SPRY3: variants seen among roughly 807,000 people sequenced by gnomAD.
The protein encoded by SPRY3 is sprouty RTK signaling antagonist 3.
Under a neutral mutation model 20.2 loss-of-function variants are expected in SPRY3, and 15 were observed. That is an observed-to-expected ratio of 0.74 (90% CI 0.50 to 1.14). The LOEUF (loss-of-function observed/expected upper bound fraction) is 1.14. Among genes scored for constraint, SPRY3 ranks in the 50% most tolerant of loss-of-function variants. SPRY3 has a pLI of 0.00. For synonymous variants in SPRY3, 143 were observed against 136.5 expected (o/e 1.05, Z -0.33); for missense variants, 364 against 363.9 (o/e 1.00, Z 0.00).
chrX:155,727,313 G>A (rs1032949165), intron 2 of SPRY3, among the ~76,000 whole-genome samples: 1 of 152,038 alleles, frequency 6.6e-6, no homozygotes, highest in East Asian at 1.9e-4. Context: ...GTATCTTTGT[G>A]GTGTTCTCTG....
chrX:155,693,894 G>A (rs371956978), intron 2 of SPRY3, among the ~76,000 whole-genome samples: 5 of 99,657 alleles, frequency 5.0e-5, no homozygotes, highest in African/African-American at 7.3e-5. Context: ...CCTCCAACTC[G>A]TGGGCTCAAG....
At chrX:155,719,410 G>A (rs1358531941) in intron 2 of SPRY3, among the ~76,000 whole-genome samples, 1 of 152,098 alleles carries the variant, frequency 6.6e-6, no homozygotes, top group Non-Finnish European at 1.5e-5. Flanking sequence ...GCAACCTCTA[G>A]GCGAGTCCTA....
At chrX:155,625,445 CT>C (rs1367602681) in intron 1 of SPRY3, among the ~76,000 whole-genome samples, 1 of 111,495 alleles carries the variant, frequency 9.0e-6, no homozygotes, top group Admixed American at 9.5e-5. Flanking sequence ...CAATTTTCCC[CT>C]GATATCAAAT....
At chrX:155,637,990 T>C (rs1259154517) in intron 1 of SPRY3, among the ~76,000 whole-genome samples, 1 of 107,763 alleles carries the variant, frequency 9.3e-6, no homozygotes, top group East Asian at 2.9e-4. Flanking sequence ...TTTTTTTTTT[T>C]TAATTTAGCC....
chrX:155,671,872 A>C (rs896135484), intron 2 of SPRY3, among the ~76,000 whole-genome samples: 3 of 111,481 alleles, frequency 2.7e-5, no homozygotes, highest in Non-Finnish European at 3.8e-5. Flanking sequence ...TATGGCTAGC[A>C]AGTTTTCCCA....
At chrX:155,716,760 G>A in intron 2 of SPRY3, among the ~76,000 whole-genome samples, 1 of 151,424 alleles carries the variant, frequency 6.6e-6, no homozygotes, top group Non-Finnish European at 1.5e-5. Flanking sequence ...ACAGCTCAGT[G>A]GTCAGCAAAT....
At chrX:155,717,505 G>T (rs2091031073) in intron 2 of SPRY3, among the ~76,000 whole-genome samples, 1 of 152,022 alleles carries the variant, frequency 6.6e-6, no homozygotes, top group African/African-American at 2.4e-5. Flanking sequence ...TGTCATCTAG[G>T]TTTTAAGCCC....
exon 4 of SPRY3, chrX:155,774,111 C>A: frequency 2.5e-6 from 4 of 1,613,992 alleles, no homozygotes; most frequent in Non-Finnish European, 3.4e-6. Context: ...AGCATCTGAG[C>A]CAATCTAGCA....
rs2091132172 is a variant in SPRY3 at position 155,731,530 on chromosome X, C to T, written c.-281-36432C>T. Among the ~76,000 whole-genome samples the T allele has an allele frequency of 2.0e-5, 3 of 152,000 alleles. No individual in the cohort carries two copies. The South Asian group carries it at 6.2e-4, about 32-fold the overall frequency. On this transcript the variant is annotated intron_variant, in intron 2 of 3. Transcript: ENST00000675360. ...ATCTAAATTGATTAAAGACTTAAAT[C>T]TAATATCTCAAACTATGAAACTACT... is the stretch of plus-strand genomic sequence containing the variant.
chrX:155,768,850 A>G (rs2091364057), intron 3 of SPRY3, among the ~76,000 whole-genome samples: 1 of 152,250 alleles, frequency 6.6e-6, no homozygotes, highest in Non-Finnish European at 1.5e-5. Context: ...GAAGCTAATT[A>G]TAATTATCAT....
intron 1 of SPRY3, among the ~76,000 whole-genome samples, chrX:155,634,365 C>T (rs1201466057): frequency 9.8e-5 from 11 of 111,716 alleles, no homozygotes; most frequent in African/African-American, 3.6e-4. Context: ...CTACCTTTAT[C>T]ATGTGTGGAC....
At chrX:155,760,182 C>T (rs28533516) in intron 2 of SPRY3, among the ~76,000 whole-genome samples, 111 of 152,210 alleles carry the variant, frequency 7.3e-4, no homozygotes, top group African/African-American at 2.6e-3. Flanking sequence ...TTGTTGAGTG[C>T]CTATATTACT....
At chrX:155,709,466 T>A (rs1474298638) in intron 2 of SPRY3, among the ~76,000 whole-genome samples, 4 of 151,840 alleles carry the variant, frequency 2.6e-5, no homozygotes, top group Non-Finnish European at 5.9e-5. Flanking sequence ...ATGCCTTCTT[T>A]TGAGAAATGT....
At chrX:155,674,428 A>G (rs782806470) in intron 2 of SPRY3, among the ~76,000 whole-genome samples, 2 of 110,727 alleles carry the variant, frequency 1.8e-5, no homozygotes, top group African/African-American at 6.6e-5. Flanking sequence ...TAATACTTCC[A>G]GTGTTGGGAA....
intron 2 of SPRY3, among the ~76,000 whole-genome samples, chrX:155,692,193 ACATTT>A (rs1438802952): frequency 9.0e-6 from 1 of 110,875 alleles, no homozygotes; most frequent in African/African-American, 3.3e-5. Context: ...TTTATATTTT[ACATTT>A]AGCTCCCTGG....
chrX:155,715,159 A>G (rs1170606998), intron 2 of SPRY3, among the ~76,000 whole-genome samples: 2 of 151,970 alleles, frequency 1.3e-5, no homozygotes, highest in Non-Finnish European at 2.9e-5. Context: ...GTCTTTCACT[A>G]TAGCCACCAC....
chrX:155,711,748 G>A (rs1377370729), intron 2 of SPRY3, among the ~76,000 whole-genome samples: 1 of 148,788 alleles, frequency 6.7e-6, no homozygotes, highest in African/African-American at 2.5e-5. Context: ...ACTAATTTTG[G>A]GATCGGTTTG....
intron 3 of SPRY3, among the ~76,000 whole-genome samples, chrX:155,773,322 A>G (rs1019052992): frequency 6.9e-6 from 1 of 145,600 alleles, no homozygotes; most frequent in African/African-American, 2.5e-5. Flanking sequence ...ATATATATAT[A>G]TATATATATA....
chrX:155,775,437 T>C (rs2091418605), exon 4 of SPRY3: 1 of 167,240 alleles, frequency 6.0e-6, no homozygotes. Context: ...CCAAAAGTGC[T>C]GTTTTTCCAT....
Sources: allele counts gnomAD v4.1 joint callset (sites outside exome capture counted in the v4.1 genomes callset), GRCh38; gene constraint gnomAD v4.1.1; transcripts MANE v1.5; gene names NCBI Gene and HGNC (gene_info 2026-07-23, HGNC 2026-07-21).